The following MAGI2 variants were observed in gnomAD, a reference collection of about 807,000 sequenced individuals.
MAGI2 encodes membrane-associated guanylate kinase, WW and PDZ domain-containing protein 2.
Under a neutral mutation model 133.3 loss-of-function variants are expected in MAGI2, and 35 were observed. The ratio of observed to expected loss-of-function variants is 0.26; its 90% CI spans 0.20 to 0.35. The LOEUF (loss-of-function observed/expected upper bound fraction) is 0.35. Among genes scored for constraint, MAGI2 ranks in the 10% least tolerant of loss-of-function variants. The pLI is 1.00. For missense variants in MAGI2, 1,636 were observed against 1,863.4 expected (o/e 0.88, Z 2.25); for synonymous variants, 729 against 710.6 (o/e 1.03, Z -0.41).
intron 1 of MAGI2, among the ~76,000 whole-genome samples, chr7:79,136,084 A>AGAAG (rs1485839344): frequency 4.0e-3 from 565 of 140,128 alleles, no homozygotes; most frequent in Admixed American, 0.01. Flanking sequence ...AAAGAAAGAA[A>AGAAG]GAAAGAAAGA....
chr7:78,468,998 C>T (rs977601748), intron 6 of MAGI2, among the ~76,000 whole-genome samples: 2 of 152,166 alleles, frequency 1.3e-5, no homozygotes, highest in African/African-American at 4.8e-5. Context: ...AACAATCCTT[C>T]TGTTTCAAAT....
chr7:78,233,675 G>C (rs540606153), intron 10 of MAGI2, among the ~76,000 whole-genome samples: 7 of 152,206 alleles, frequency 4.6e-5, no homozygotes, highest in African/African-American at 1.7e-4. Context: ...GGATAAATTA[G>C]AGCAGGTTTA....
rs1217148491 is a variant in MAGI2 at position 78,103,294 on chromosome 7, A to G, written c.3567+22400T>C. On this transcript the variant is annotated intron_variant, in intron 20 of 21. Transcript: ENST00000354212. ...CATTTTAATTTTTGGTTTTGAAAAT[A>G]TGGTTGTGATAATTATAGTTCTCAT... Among the ~76,000 whole-genome samples the G allele has an allele frequency of 3.3e-5, 5 of 152,338 alleles. No homozygotes were observed. In the East Asian group the frequency reaches 9.6e-4, roughly 29 times the overall value.
At chr7:78,285,781 G>A (rs1796088843) in intron 9 of MAGI2, 1 of 152,122 alleles carries the variant, frequency 6.6e-6, no homozygotes, top group Admixed American at 6.6e-5. Context: ...ACCTTGACAA[G>A]TTTTCAGGTG....
chr7:78,044,700 T>TGTGCGCGC (rs1563046184), intron 21 of MAGI2, among the ~76,000 whole-genome samples: 1 of 88,132 alleles, frequency 1.1e-5, no homozygotes, highest in African/African-American at 4.9e-5. Context: ...TGTGTGTGTG[T>TGTGCGCGC]GTGTGCACGT....
intron 9 of MAGI2, among the ~76,000 whole-genome samples, chr7:78,309,619 C>CACACA (rs1798529184): frequency 1.3e-5 from 2 of 152,084 alleles, no homozygotes; most frequent in African/African-American, 2.4e-5. Flanking sequence ...ACGTCAGTGT[C>CACACA]ACACAATATA....
chr7:78,861,041 G>A (rs1794116357), intron 2 of MAGI2, among the ~76,000 whole-genome samples: 1 of 152,192 alleles, frequency 6.6e-6, no homozygotes, highest in African/African-American at 2.4e-5. Flanking sequence ...GACCCTCCAA[G>A]CCATGCATGG....
intron 1 of MAGI2, among the ~76,000 whole-genome samples, chr7:79,372,085 C>T (rs984013879): frequency 6.6e-6 from 1 of 152,018 alleles, no homozygotes; most frequent in Admixed American, 6.6e-5. Context: ...ACTAAATAAT[C>T]GAAATCTGCA....
intron 3 of MAGI2, among the ~76,000 whole-genome samples, chr7:78,542,797 T>C (rs1215567173): frequency 2.0e-5 from 3 of 152,190 alleles, no homozygotes; most frequent in Non-Finnish European, 2.9e-5. Flanking sequence ...TCAAGGATTT[T>C]GGCAAAGGTT....
At chr7:78,473,791 C>G (rs1006250743) in intron 6 of MAGI2, among the ~76,000 whole-genome samples, 3 of 151,986 alleles carry the variant, frequency 2.0e-5, no homozygotes, top group African/African-American at 7.2e-5. Context: ...CTTCCTCATT[C>G]CAAATAAACT....
chr7:78,991,294 G>A (rs1805749734), intron 2 of MAGI2, among the ~76,000 whole-genome samples: 1 of 145,094 alleles, frequency 6.9e-6, no homozygotes, highest in Middle Eastern at 4.1e-3. Flanking sequence ...AGCAGGGTGA[G>A]AATGGACTAA....
At chr7:78,349,270 AGT>A (rs2151199336) in intron 7 of MAGI2, among the ~76,000 whole-genome samples, 1 of 152,304 alleles carries the variant, frequency 6.6e-6, no homozygotes, top group East Asian at 1.9e-4. Flanking sequence ...CTAAATGATG[AGT>A]GTGTGTTTTA....
At chr7:79,161,147 T>C (rs1824313238) in intron 1 of MAGI2, among the ~76,000 whole-genome samples, 1 of 152,074 alleles carries the variant, frequency 6.6e-6, no homozygotes, top group Non-Finnish European at 1.5e-5. Context: ...GTAACCCCTT[T>C]ACCTAAATGT....
intron 2 of MAGI2, among the ~76,000 whole-genome samples, chr7:78,713,665 T>G (rs529870284): frequency 6.6e-6 from 1 of 152,290 alleles, no homozygotes; most frequent in South Asian, 2.1e-4. Context: ...TAATAGCTCT[T>G]TTCAGAGCTG....
At chr7:78,223,594 T>G (rs1414367883) in intron 10 of MAGI2, among the ~76,000 whole-genome samples, 1 of 152,150 alleles carries the variant, frequency 6.6e-6, no homozygotes, top group Non-Finnish European at 1.5e-5. Context: ...TTTCAAAATA[T>G]TAATATACTA....
chr7:79,383,218 A>T (rs1843926077), intron 1 of MAGI2, among the ~76,000 whole-genome samples: 1 of 151,528 alleles, frequency 6.6e-6, no homozygotes, highest in African/African-American at 2.4e-5. Flanking sequence ...GGGATTGGGA[A>T]GTTGTTTGGC....
At chr7:78,647,343 C>T (rs1395298327) in intron 2 of MAGI2, among the ~76,000 whole-genome samples, 49 of 152,128 alleles carry the variant, frequency 3.2e-4, no homozygotes, top group Admixed American at 3.2e-3. Context: ...AGGATGTGAA[C>T]AGACACTTCT....
At chr7:78,965,244 TA>T (rs1464307762) in intron 2 of MAGI2, among the ~76,000 whole-genome samples, 1 of 151,618 alleles carries the variant, frequency 6.6e-6, no homozygotes, top group Admixed American at 6.6e-5. Flanking sequence ...TGATAAAGAA[TA>T]AAATTAATTT....
At chr7:78,160,350 G>C in intron 15 of MAGI2, 77 bp from the exon 16 acceptor site, 3 of 1,385,516 alleles carry the variant, frequency 2.2e-6, no homozygotes, top group Non-Finnish European at 2.9e-6. Context: ...ACTAGGCACT[G>C]TTCTAGACAG....
Sources: allele counts gnomAD v4.1 joint callset (sites outside exome capture counted in the v4.1 genomes callset), GRCh38; gene constraint gnomAD v4.1.1; transcripts MANE v1.5; gene names NCBI Gene and HGNC (gene_info 2026-07-23, HGNC 2026-07-21).